The following PPP1R21 variants were observed in gnomAD, a reference collection of about 807,000 sequenced individuals.
The protein encoded by PPP1R21 is KLRAQ motif containing 1.
PPP1R21 carries 85 observed loss-of-function variants against 112.8 expected under a neutral mutation model. That is an observed-to-expected ratio of 0.75 (90% CI 0.63 to 0.90). The LOEUF (loss-of-function observed/expected upper bound fraction) is 0.90. PPP1R21 is among the 40% of genes least tolerant of loss of function. The pLI is 0.00. For synonymous variants in PPP1R21, 381 were observed against 322.3 expected, an observed-to-expected ratio of 1.18 and a Z score of -1.95; for missense variants, 1,199 against 901.5, an observed-to-expected ratio of 1.33 and a Z score of -4.23.
chr2:48,506,577 A>G (rs1033357883), intron 18 of PPP1R21, among the ~76,000 whole-genome samples: 3 of 152,214 alleles, frequency 2.0e-5, no homozygotes, highest in African/African-American at 7.2e-5. Flanking sequence ...ACAGGGTGTC[A>G]TTGTTTGAGT....
Position 48,440,853 on chromosome 2 carries a change from C to T in PPP1R21, c.-101C>T. On this transcript the variant is annotated 5_prime_UTR_variant, in exon 1 of 22. Transcript: ENST00000294952. ...GCGGCGGCTGCGGTGGCCAAGCAGG[C>T]AGATACTGCCTGACCCGTTCCCGGG... The T allele has an allele frequency of 1.2e-6, 1 of 809,780 alleles. No homozygotes were observed. Among genetic ancestry groups the T allele is most frequent in the Non-Finnish European group, 2.0e-6 (1 of 504,490 alleles). The allele number at this position is 809,780 out of a possible 1,614,324, so 50.2% of individuals were successfully genotyped here.
intron 17 of PPP1R21, among the ~76,000 whole-genome samples, chr2:48,501,099 T>A (rs1405909910): frequency 6.6e-6 from 1 of 152,240 alleles, no homozygotes; most frequent in East Asian, 1.9e-4. Context: ...ACAAGATGAC[T>A]GTTTTTACCT....
At chr2:48,502,676 CTT>C (rs762811938) in intron 17 of PPP1R21, among the ~76,000 whole-genome samples, 1,263 of 93,930 alleles carry the variant, frequency 0.013, 6 homozygotes, top group African/African-American at 0.047. Context: ...AGAAACTTTT[CTT>C]TTTTTTTTTT....
intron 3 of PPP1R21, 147 bp from the exon 4 acceptor site, chr2:48,457,976 AATG>A (rs751199983): frequency 9.6e-6 from 6 of 625,814 alleles, no homozygotes; most frequent in African/African-American, 5.5e-5. Flanking sequence ...GGAAAAGTTA[AATG>A]ATGAACTGTA....
intron 17 of PPP1R21, among the ~76,000 whole-genome samples, chr2:48,504,566 G>A (rs12472635): frequency 0.46 from 70,418 of 151,892 alleles, 16,686 homozygotes; most frequent in Middle Eastern, 0.59. Context: ...GCTTGAACCC[G>A]GGAGGTGGAG....
intron 12 of PPP1R21, chr2:48,479,490 A>G (rs938041835): frequency 8.4e-6 from 4 of 473,666 alleles, no homozygotes; most frequent in African/African-American, 2.0e-5. Context: ...CCAGTTTTGC[A>G]GAGGGCAAGC....
chr2:48,454,287 TAAATC>T (rs901267593), intron 2 of PPP1R21, among the ~76,000 whole-genome samples: 14 of 152,100 alleles, frequency 9.2e-5, no homozygotes, highest in Admixed American at 5.2e-4. Flanking sequence ...AATAAATAAA[TAAATC>T]AAATAAGTTT....
intron 11 of PPP1R21, among the ~76,000 whole-genome samples, chr2:48,474,311 A>T (rs1490920880): frequency 6.6e-6 from 1 of 152,176 alleles, no homozygotes; most frequent in African/African-American, 2.4e-5. Context: ...TGAACCTGGG[A>T]TGCGGAGGTT....
chr2:48,487,107 C>T (rs1431905734), intron 14 of PPP1R21, among the ~76,000 whole-genome samples: 1 of 131,396 alleles, frequency 7.6e-6, no homozygotes, highest in Admixed American at 7.5e-5. Flanking sequence ...TAGATCACTC[C>T]CTGTTTATGT....
chr2:48,481,989 C>T (rs1377374560), intron 13 of PPP1R21, among the ~76,000 whole-genome samples: 1 of 152,110 alleles, frequency 6.6e-6, no homozygotes, highest in African/African-American at 2.4e-5. Context: ...AAATGAATTT[C>T]TTATTTAGAC....
chr2:48,490,135 G>T (rs1306496926), intron 14 of PPP1R21, among the ~76,000 whole-genome samples: 1 of 149,012 alleles, frequency 6.7e-6, no homozygotes, highest in Non-Finnish European at 1.5e-5. Flanking sequence ...AGGAGAATTG[G>T]TTAAACCCAG....
intron 9 of PPP1R21, among the ~76,000 whole-genome samples, chr2:48,468,008 G>T (rs1311001494): frequency 6.6e-6 from 1 of 152,210 alleles, no homozygotes; most frequent in Non-Finnish European, 1.5e-5. Context: ...CAGTGTTTAT[G>T]TCTGTGGGTC....
intron 19 of PPP1R21, among the ~76,000 whole-genome samples, chr2:48,509,035 C>G (rs967896921): frequency 2.0e-5 from 3 of 152,092 alleles, no homozygotes; most frequent in African/African-American, 7.2e-5. Context: ...TTGTCAGTAA[C>G]CTTATCAGAA....
chr2:48,485,812 G>T (rs1008009588), intron 13 of PPP1R21, among the ~76,000 whole-genome samples: 3 of 149,726 alleles, frequency 2.0e-5, no homozygotes, highest in African/African-American at 7.3e-5. Context: ...GTACAGAATT[G>T]CTATAAAAAT....
At chr2:48,510,650 G>T (rs1242334231) in intron 20 of PPP1R21, among the ~76,000 whole-genome samples, 1 of 152,212 alleles carries the variant, frequency 6.6e-6, no homozygotes, top group African/African-American at 2.4e-5. Flanking sequence ...AGGCACACAG[G>T]ATTAGATTTT....
chr2:48,503,373 T>C (rs1435567812), intron 17 of PPP1R21, among the ~76,000 whole-genome samples: 1 of 152,248 alleles, frequency 6.6e-6, no homozygotes, highest in Non-Finnish European at 1.5e-5. Context: ...ACTGATTTCA[T>C]AGTATTCCAT....
At position 48,498,601 on chromosome 2, in the gene PPP1R21, G is replaced by T; in HGVS notation, c.1801G>T (p.Ala601Ser). ...IKLEKENQRI[A>S]DKLKNTGSAQ... is the part of the protein sequence containing the mutation. ...GCTAGAGAAAGAAAACCAGCGAATT[G>T]CAGATAAGCTGAAGAATACAGGTAG... The change falls in exon 17 of 22, where the codon GCA becomes TCA. Residue 601 changes from alanine to serine, a missense_variant. Coordinates refer to ENST00000294952, the MANE Select transcript of PPP1R21 (RefSeq NM_001135629.3). 4 of 1,614,230 alleles carry T rather than the reference G, an allele frequency of 2.5e-6. No homozygotes were observed. Among genetic ancestry groups the T allele is most frequent in the African/African-American group, 1.3e-5 (1 of 75,070 alleles).
intron 19 of PPP1R21, 68 bp from the exon 20 acceptor site, chr2:48,509,947 C>T: frequency 8.5e-7 from 1 of 1,179,208 alleles, no homozygotes; most frequent in Non-Finnish European, 1.2e-6. Flanking sequence ...TTTTAACAAA[C>T]TTTCCCGAAG....
In PPP1R21 at chr2:48,502,676, C is replaced by CTTTT. The variant is rs762811938; in HGVS notation, c.1936-2869_1936-2866dup. ...AAAGTAACCTCAGATAGAAACTTTT[C>CTTTT]TTTTTTTTTTTTTTTTTTTTTTGAG... On this transcript the variant is annotated intron_variant, in intron 17 of 21. Transcript: ENST00000294952. Among the ~76,000 whole-genome samples, 78 of 94,036 alleles carry CTTTT rather than the reference C, an allele frequency of 8.3e-4. 2 individuals carry two copies. The highest frequency in any genetic ancestry group is 1.5e-3 in the African/African-American group (38 of 24,824). 61.7% of individuals were successfully genotyped at this position (94,036 alleles called of 152,430 possible).
Sources: allele counts gnomAD v4.1 joint callset (sites outside exome capture counted in the v4.1 genomes callset), GRCh38; gene constraint gnomAD v4.1.1; transcripts MANE v1.5; gene names NCBI Gene and HGNC (gene_info 2026-07-23, HGNC 2026-07-21).